FRMD4A: variants seen among roughly 807,000 people sequenced by gnomAD.
FRMD4A encodes FERM domain-containing protein 4A.
A neutral mutation model predicts 129.1 loss-of-function variants in FRMD4A; 29 were observed. The observed-to-expected ratio is 0.22, with a 90% CI of 0.17 to 0.31. FRMD4A has a LOEUF of 0.31. Among genes scored for constraint, FRMD4A ranks in the 10% least tolerant of loss-of-function variants. The probability of loss-of-function intolerance (pLI) is 1.00; values close to 1 mark genes in which losing one functional copy is unlikely to be tolerated. For missense variants in FRMD4A, 1,272 were observed against 1,375.8 expected (o/e 0.92, Z 1.19); for synonymous variants, 634 against 571.6 (o/e 1.11, Z -1.56).
rs1018790472 is a variant in FRMD4A at position 13,844,166 on chromosome 10, TGTGA to T, written c.111+14677_111+14680del. On this transcript the variant is annotated intron_variant, in intron 3 of 24. Coordinates refer to ENST00000357447, the MANE Select transcript of FRMD4A (RefSeq NM_018027.5). ...GTATGTGTGTACATGAGTATATGTA[TGTGA>T]GTGTGTGTGTGTGAATATGTGTGTG... 1.1e-4 allele frequency among the ~76,000 whole-genome samples: 16 copies of T among 152,266 alleles called. 1 individual carries two copies. The highest frequency in any genetic ancestry group is 3.9e-4 in the African/African-American group (16 of 41,544).
chr10:13,837,205 G>A (rs938526999), intron 3 of FRMD4A, among the ~76,000 whole-genome samples: 1 of 152,168 alleles, frequency 6.6e-6, no homozygotes, highest in East Asian at 1.9e-4. Context: ...TTTCCTCAAG[G>A]GGGTTGCTCT....
At position 13,975,823 on chromosome 10, in the gene FRMD4A, G is replaced by A. The variant is rs555268195; in HGVS notation, c.46-116911C>T. Among the ~76,000 whole-genome samples, 6 of 152,296 alleles carry A rather than the reference G, an allele frequency of 3.9e-5. No homozygotes were observed. In the East Asian group the frequency reaches 1.2e-3, roughly 29 times the overall value. Reference sequence around the variant, plus strand: ...CCAGCACAGATGGTGCAAGCAGCCAGCCAGACCTCCTGCACACTGTGACGA... The same window carrying A: ...CCAGCACAGATGGTGCAAGCAGCCAACCAGACCTCCTGCACACTGTGACGA... On this transcript the variant is annotated intron_variant, in intron 2 of 24. Transcript: ENST00000357447.
chr10:13,681,144 C>T (rs1361027562), intron 15 of FRMD4A, among the ~76,000 whole-genome samples: 2 of 152,200 alleles, frequency 1.3e-5, no homozygotes, highest in Admixed American at 1.3e-4. Flanking sequence ...CAACAGGCAT[C>T]TTATACACAG....
intron 2 of FRMD4A, among the ~76,000 whole-genome samples, chr10:14,059,489 G>A (rs975174829): frequency 2.6e-5 from 4 of 152,114 alleles, no homozygotes; most frequent in African/African-American, 9.7e-5. Context: ...TTCTCTCCAT[G>A]TGTGAACTGA....
At chr10:13,707,389 C>T (rs1431633536) in intron 12 of FRMD4A, 2 of 1,130,184 alleles carry the variant, frequency 1.8e-6, no homozygotes, top group Non-Finnish European at 2.2e-6. Context: ...CTTCGGTCGG[C>T]CTTTGTTGGT....
intron 4 of FRMD4A, among the ~76,000 whole-genome samples, chr10:13,806,487 G>C (rs928453781): frequency 6.6e-5 from 10 of 152,198 alleles, no homozygotes. Flanking sequence ...ATGGAAGCTA[G>C]AAGGGAGATG....
At chr10:14,302,541 TAC>T (rs1846219518) in intron 2 of FRMD4A, among the ~76,000 whole-genome samples, 1 of 152,168 alleles carries the variant, frequency 6.6e-6, no homozygotes, top group South Asian at 2.1e-4. Flanking sequence ...CTTCCTTCAA[TAC>T]ACAATGGAGA....
At chr10:13,869,557 C>G (rs1176562957) in intron 2 of FRMD4A, among the ~76,000 whole-genome samples, 1 of 152,252 alleles carries the variant, frequency 6.6e-6, no homozygotes, top group Non-Finnish European at 1.5e-5. Context: ...GACGCAATGG[C>G]ATGGGCCCCA....
intron 2 of FRMD4A, among the ~76,000 whole-genome samples, chr10:13,885,005 C>T: frequency 6.6e-6 from 1 of 152,172 alleles, no homozygotes; most frequent in East Asian, 1.9e-4. Context: ...TCATATCCCC[C>T]CAAAGTTAGC....
At chr10:13,983,828 C>G (rs1479548511) in intron 2 of FRMD4A, among the ~76,000 whole-genome samples, 1 of 148,248 alleles carries the variant, frequency 6.7e-6, no homozygotes, top group Admixed American at 6.7e-5. Context: ...GGTGAAACCT[C>G]GTCTCTACTA....
chr10:14,042,940 A>G (rs900125481), intron 2 of FRMD4A, among the ~76,000 whole-genome samples: 54 of 151,484 alleles, frequency 3.6e-4, no homozygotes, highest in Non-Finnish European at 6.3e-4. Flanking sequence ...AAAAAAAAAA[A>G]AAAAAAAAAG....
chr10:14,108,071 T>C (rs1837678577), intron 2 of FRMD4A, among the ~76,000 whole-genome samples: 1 of 152,184 alleles, frequency 6.6e-6, no homozygotes, highest in Non-Finnish European at 1.5e-5. Flanking sequence ...ACCAGCAATC[T>C]CTGCAAGTGC....
At position 13,750,116 on chromosome 10, in the gene FRMD4A, G is replaced by T. The variant is rs11258576; in HGVS notation, c.465-2297C>A. ...AGAAAGAAAGAAAGAAATGAAGAAA[G>T]AAAGAAAGAAAGAAAGAAAGAAAGA... is the stretch of plus-strand genomic sequence containing the variant. On this transcript the variant is annotated intron_variant, in intron 8 of 24. Transcript: ENST00000357447. Among the ~76,000 whole-genome samples, 1,025 of 120,038 alleles carry T rather than the reference G, an allele frequency of 8.5e-3. 5 individuals carry two copies. Among genetic ancestry groups the T allele is most frequent in the African/African-American group, 0.013 (430 of 32,918 alleles). 78.7% of individuals were successfully genotyped at this position (120,038 alleles called of 152,430 possible). A position where few individuals can be genotyped will look rare whatever the true frequency, so the allele number is the denominator to read the frequency against.
chr10:14,139,209 G>A (rs1473079859), intron 2 of FRMD4A, among the ~76,000 whole-genome samples: 1 of 152,150 alleles, frequency 6.6e-6, no homozygotes, highest in Non-Finnish European at 1.5e-5. Flanking sequence ...GTCAAATGAT[G>A]GTTATAACAA....
chr10:13,730,201 C>T (rs943567482), intron 12 of FRMD4A, among the ~76,000 whole-genome samples: 6 of 152,134 alleles, frequency 3.9e-5, no homozygotes, highest in African/African-American at 1.4e-4. Flanking sequence ...TTCAATCAAT[C>T]AAAGGAACGT....
Position 14,130,503 on chromosome 10 carries a change from G to A in FRMD4A, c.45+199555C>T, listed in dbSNP as rs184899650. ...TGGCCATAAACAATCCTCGCACCCC[G>A]GCCTACCAAAGTGCTGGGATTACAG... On this transcript the variant is annotated intron_variant, in intron 2 of 24. Transcript: ENST00000357447. Among the ~76,000 whole-genome samples the A allele has an allele frequency of 7.3e-4, 111 of 152,174 alleles. 1 individual carries two copies. The highest frequency in any genetic ancestry group is 6.4e-3 in the East Asian group (33 of 5,174).
chr10:14,296,583 G>A (rs936497056), intron 2 of FRMD4A, among the ~76,000 whole-genome samples: 16 of 152,186 alleles, frequency 1.1e-4, no homozygotes, highest in African/African-American at 2.9e-4. Context: ...GGTTAGTATC[G>A]CTGATTCCTT....
chr10:13,812,640 T>C (rs1317406616), intron 3 of FRMD4A, among the ~76,000 whole-genome samples: 1 of 152,176 alleles, frequency 6.6e-6, no homozygotes, highest in African/African-American at 2.4e-5. Flanking sequence ...CCAAAGAAGA[T>C]GCTCCACCCT....
Position 14,330,319 on chromosome 10 carries a change from AAG to A in FRMD4A, c.-81-138_-81-137del, listed in dbSNP as rs1491524477. ...TGTGCTTAGGGAGGAAAAAAAAAAA[AAG>A]AAGAAGGAAAATAGGAAGCTGCAGG... On this transcript the variant is annotated intron_variant, in intron 1 of 24. Transcript: ENST00000357447. 8.4e-5 allele frequency: 46 copies of A among 545,452 alleles called. No individual in the cohort carries two copies. The East Asian group carries it at 1.0e-3, about 12-fold the overall frequency. The allele number at this position is 545,452 out of a possible 1,614,324, so 33.8% of individuals were successfully genotyped here.
Sources: allele counts gnomAD v4.1 joint callset (sites outside exome capture counted in the v4.1 genomes callset), GRCh38; gene constraint gnomAD v4.1.1; transcripts MANE v1.5; gene names NCBI Gene and HGNC (gene_info 2026-07-23, HGNC 2026-07-21).